The following MIPOL1 variants were observed in gnomAD, a reference collection of about 807,000 sequenced individuals.
The protein encoded by MIPOL1 is mirror-image polydactyly 1, also known as mirror-image polydactyly gene 1 protein.
MIPOL1 carries 57 observed loss-of-function variants against 60.9 expected under a neutral mutation model. That is an observed-to-expected ratio of 0.94 (90% confidence interval 0.76 to 1.17). The LOEUF is 1.17. Among genes scored for constraint, MIPOL1 ranks in the 50% most tolerant of loss-of-function variants. The pLI is 0.00. For missense variants in MIPOL1, 551 were observed against 511.6 expected (o/e 1.08, Z -0.74); for synonymous variants, 179 against 168.8 (o/e 1.06, Z -0.47).
At chr14:37,514,086 A>G (rs1031141400) in intron 12 of MIPOL1, among the ~76,000 whole-genome samples, 1 of 152,180 alleles carries the variant, frequency 6.6e-6, no homozygotes, top group African/African-American at 2.4e-5. Context: ...GAAAAATACC[A>G]CATTTTTTAT....
chr14:37,294,894 A>T (rs1253688234), intron 7 of MIPOL1, among the ~76,000 whole-genome samples: 1 of 152,218 alleles, frequency 6.6e-6, no homozygotes, highest in Non-Finnish European at 1.5e-5. Context: ...GATATCATCC[A>T]GGAGAACTTC....
At chr14:37,494,385 G>C (rs974112270) in intron 11 of MIPOL1, among the ~76,000 whole-genome samples, 3 of 152,194 alleles carry the variant, frequency 2.0e-5, no homozygotes, top group Non-Finnish European at 4.4e-5. Flanking sequence ...ACCCACGTAG[G>C]TGTATCTAAG....
chr14:37,328,543 A>G (rs1004688538), intron 9 of MIPOL1, among the ~76,000 whole-genome samples: 1 of 152,214 alleles, frequency 6.6e-6, no homozygotes, highest in Non-Finnish European at 1.5e-5. Context: ...TGCAAAATTC[A>G]AACATATAGT....
intron 10 of MIPOL1, among the ~76,000 whole-genome samples, chr14:37,389,594 G>A (rs1165236481): frequency 6.6e-6 from 1 of 150,508 alleles, no homozygotes; most frequent in Non-Finnish European, 1.5e-5. Context: ...TTATTCATTG[G>A]AGTAAGAAGA....
chr14:37,526,457 C>T (rs966413668), intron 12 of MIPOL1, among the ~76,000 whole-genome samples: 1 of 150,972 alleles, frequency 6.6e-6, no homozygotes, highest in African/African-American at 2.4e-5. Flanking sequence ...GCAAGCTCCA[C>T]CTCCCCGGTT....
intron 9 of MIPOL1, among the ~76,000 whole-genome samples, chr14:37,362,844 A>T (rs11156948): frequency 0.99 from 151,237 of 152,272 alleles, 75,113 homozygotes; most frequent in Middle Eastern, 1. Context: ...TCCCCTCGCT[A>T]TATTTCATTA....
intron 6 of MIPOL1, among the ~76,000 whole-genome samples, chr14:37,282,796 A>C (rs1175776247): frequency 1.3e-5 from 2 of 149,302 alleles, no homozygotes; most frequent in Admixed American, 1.3e-4. Context: ...TTATTTCTTA[A>C]TTGTGAGTAG....
intron 9 of MIPOL1, among the ~76,000 whole-genome samples, chr14:37,364,299 G>A (rs892005666): frequency 6.6e-6 from 1 of 152,214 alleles, no homozygotes; most frequent in Non-Finnish European, 1.5e-5. Context: ...GCTTAGACCA[G>A]CTTAGACCAA....
chr14:37,528,349 ATTG>A (rs1387301429), intron 12 of MIPOL1, among the ~76,000 whole-genome samples: 3 of 152,008 alleles, frequency 2.0e-5, no homozygotes, highest in African/African-American at 7.2e-5. Context: ...CTATAATTTA[ATTG>A]TTATTTTCAA....
chr14:37,211,602 A>G (rs936847913), intron 1 of MIPOL1, among the ~76,000 whole-genome samples: 1 of 151,998 alleles, frequency 6.6e-6, no homozygotes, highest in Non-Finnish European at 1.5e-5. Flanking sequence ...GGTCTGCAGC[A>G]CTCTATGTCT....
chr14:37,355,028 T>C (rs1467982440), intron 9 of MIPOL1, among the ~76,000 whole-genome samples: 1 of 135,968 alleles, frequency 7.4e-6, no homozygotes, highest in Non-Finnish European at 1.6e-5. Context: ...TTTGGCATGA[T>C]TTTGCAGCGG....
At chr14:37,230,301 A>G (rs991589927) in intron 1 of MIPOL1, among the ~76,000 whole-genome samples, 4 of 152,210 alleles carry the variant, frequency 2.6e-5, no homozygotes, top group African/African-American at 9.7e-5. Flanking sequence ...AAATAAAAAA[A>G]GTTTTGCTAT....
intron 9 of MIPOL1, among the ~76,000 whole-genome samples, chr14:37,335,272 C>T (rs1205526484): frequency 2.0e-5 from 3 of 152,092 alleles, no homozygotes; most frequent in Admixed American, 1.3e-4. Flanking sequence ...ATATACATAA[C>T]ATAAATATAC....
chr14:37,460,216 A>AAATCAAC (rs1414952909), intron 11 of MIPOL1, among the ~76,000 whole-genome samples: 1 of 152,200 alleles, frequency 6.6e-6, no homozygotes, highest in Non-Finnish European at 1.5e-5. Flanking sequence ...CAACATATGC[A>AAATCAAC]AATCAACAAA....
chr14:37,273,943 CT>C (rs1033540492), intron 6 of MIPOL1, among the ~76,000 whole-genome samples: 12 of 151,480 alleles, frequency 7.9e-5, no homozygotes, highest in African/African-American at 2.9e-4. Flanking sequence ...ATTCTTAAAT[CT>C]TTGATGTCAT....
intron 10 of MIPOL1, among the ~76,000 whole-genome samples, chr14:37,406,278 C>T (rs1192844249): frequency 6.6e-6 from 1 of 152,076 alleles, no homozygotes; most frequent in African/African-American, 2.4e-5. Flanking sequence ...TTGTCATGGA[C>T]TGAATTGCAG....
Position 37,345,824 on chromosome 14 carries a change from T to C in MIPOL1, c.829-23693T>C, listed in dbSNP as rs145786451. ...AAATAAAACTTATGTGTGTTCATAC[T>C]GATATTTCAAATTCTGAACTGCAGA... On this transcript the variant is annotated intron_variant, in intron 9 of 12. Coordinates refer to ENST00000684589, the MANE Select transcript of MIPOL1 (RefSeq NM_001388067.1). Among the ~76,000 whole-genome samples the C allele has an allele frequency of 7.1e-3, 1,088 of 152,356 alleles. 3 individuals carry two copies. The highest frequency in any genetic ancestry group is 0.011 in the Non-Finnish European group (741 of 68,032).
chr14:37,533,308 T>C (rs541463657), intron 12 of MIPOL1, among the ~76,000 whole-genome samples: 2 of 152,290 alleles, frequency 1.3e-5, no homozygotes, highest in Admixed American at 1.3e-4. Flanking sequence ...ACTTCAGATT[T>C]CTATTTATTA....
At chr14:37,530,345 G>C (rs1594895199) in intron 12 of MIPOL1, among the ~76,000 whole-genome samples, 1 of 152,118 alleles carries the variant, frequency 6.6e-6, no homozygotes, top group East Asian at 1.9e-4. Flanking sequence ...ATATTAAGTT[G>C]AGTTTGAGAA....
Sources: allele counts gnomAD v4.1 joint callset (sites outside exome capture counted in the v4.1 genomes callset), GRCh38; gene constraint gnomAD v4.1.1; transcripts MANE v1.5; gene names NCBI Gene and HGNC (gene_info 2026-07-23, HGNC 2026-07-21).